The following SNAP25 variants were observed in gnomAD, a reference collection of about 807,000 sequenced individuals.
SNAP25 encodes the protein synaptosomal-associated protein 25.
Under a neutral mutation model 28.7 loss-of-function variants are expected in SNAP25, and 3 were observed. The observed-to-expected ratio is 0.10, with a 90% confidence interval of 0.05 to 0.27. SNAP25 has a LOEUF of 0.27. Ranked by LOEUF, SNAP25 falls within the 10% of genes least tolerant of loss-of-function variation. The pLI, the probability that SNAP25 is intolerant of heterozygous loss-of-function variation, is 1.00. For missense variants in SNAP25, 117 were observed against 278.7 expected, an observed-to-expected ratio of 0.42 and a Z score of 4.13; for synonymous variants, 61 against 88.1, an observed-to-expected ratio of 0.69 and a Z score of 1.72.
chr20:10,259,047 T>C (rs376144531), intron 1 of SNAP25, among the ~76,000 whole-genome samples: 2 of 152,312 alleles, frequency 1.3e-5, no homozygotes, highest in East Asian at 1.9e-4. Flanking sequence ...CAGAGTGGGA[T>C]TGTGTTCATA....
chr20:10,291,507 C>G (rs2063998416), intron 4 of SNAP25, among the ~76,000 whole-genome samples: 1 of 152,190 alleles, frequency 6.6e-6, no homozygotes, highest in Non-Finnish European at 1.5e-5. Context: ...TTTCACCTGT[C>G]ATTTCAAAAG....
chr20:10,304,147 G>A (rs1257906828), intron 7 of SNAP25, among the ~76,000 whole-genome samples: 2 of 152,196 alleles, frequency 1.3e-5, no homozygotes, highest in South Asian at 4.1e-4. Flanking sequence ...ACTCCAGGTT[G>A]CTAGCATTCA....
intron 1 of SNAP25, among the ~76,000 whole-genome samples, chr20:10,254,959 G>A (rs1267853958): frequency 6.6e-6 from 1 of 152,076 alleles, no homozygotes; most frequent in Non-Finnish European, 1.5e-5. Flanking sequence ...TGTGCCTTCC[G>A]ACTGTTTCTT....
chr20:10,294,996 G>T (rs749485587), intron 5 of SNAP25, among the ~76,000 whole-genome samples: 3 of 152,210 alleles, frequency 2.0e-5, no homozygotes, highest in African/African-American at 4.8e-5. Flanking sequence ...ATGTTCTAAT[G>T]AAATGATGGC....
chr20:10,240,054 G>A (rs1040741999), intron 1 of SNAP25, among the ~76,000 whole-genome samples: 13 of 152,236 alleles, frequency 8.5e-5, no homozygotes, highest in Non-Finnish European at 1.5e-4. Flanking sequence ...GGTCTCCCAA[G>A]GCTGCTGTGC....
chr20:10,275,939 A>G (rs970574142), intron 2 of SNAP25, among the ~76,000 whole-genome samples: 1 of 152,250 alleles, frequency 6.6e-6, no homozygotes, highest in African/African-American at 2.4e-5. Flanking sequence ...AGCCATTATT[A>G]AAACTGAATT....
intron 7 of SNAP25, among the ~76,000 whole-genome samples, chr20:10,303,222 G>A (rs1330424423): frequency 2.0e-5 from 3 of 152,108 alleles, no homozygotes; most frequent in Admixed American, 6.5e-5. Flanking sequence ...TGGAAAGGGA[G>A]GGCTTAAGAA....
intron 1 of SNAP25, among the ~76,000 whole-genome samples, chr20:10,252,826 T>C (rs557238412): frequency 6.6e-6 from 1 of 151,776 alleles, no homozygotes; most frequent in South Asian, 2.1e-4. Context: ...GTAGTTGTTC[T>C]CGACTCAAAG....
chr20:10,286,348 G>A (rs1312884399), intron 4 of SNAP25, among the ~76,000 whole-genome samples: 5 of 152,136 alleles, frequency 3.3e-5, no homozygotes, highest in African/African-American at 1.2e-4. Context: ...GATTTGTTGG[G>A]GAAATGTCTG....
chr20:10,276,061 T>G (rs1408996115), intron 2 of SNAP25, among the ~76,000 whole-genome samples: 1 of 152,224 alleles, frequency 6.6e-6, no homozygotes, highest in African/African-American at 2.4e-5. Flanking sequence ...GATCTTGAGA[T>G]TCATCCATTT....
intron 1 of SNAP25, among the ~76,000 whole-genome samples, chr20:10,243,915 A>G (rs1600672374): frequency 6.6e-6 from 1 of 151,692 alleles, no homozygotes; most frequent in Non-Finnish European, 1.5e-5. Context: ...CCACCAAACT[A>G]TCTTCATCTC....
At chr20:10,238,217 T>C (rs1205568635) in intron 1 of SNAP25, among the ~76,000 whole-genome samples, 1 of 152,196 alleles carries the variant, frequency 6.6e-6, no homozygotes, top group African/African-American at 2.4e-5. Context: ...GATTCTGGCA[T>C]TCTAGTGGGG....
intron 1 of SNAP25, among the ~76,000 whole-genome samples, chr20:10,251,657 T>C (rs1296156396): frequency 2.0e-5 from 3 of 152,228 alleles, no homozygotes; most frequent in Non-Finnish European, 4.4e-5. Context: ...AATGGAGCCA[T>C]GTTTGCCCTT....
intron 1 of SNAP25, among the ~76,000 whole-genome samples, chr20:10,242,841 T>A (rs1335331924): frequency 6.6e-6 from 1 of 152,180 alleles, no homozygotes; most frequent in East Asian, 1.9e-4. Context: ...TTAGCCAGCA[T>A]AAAAGGAGAT....
chr20:10,247,086 A>G (rs1237172164), intron 1 of SNAP25, among the ~76,000 whole-genome samples: 3 of 152,158 alleles, frequency 2.0e-5, no homozygotes, highest in South Asian at 4.2e-4. Context: ...AGATGGCCTC[A>G]TGCGTCCAGT....
At chr20:10,256,752 G>C (rs1253027400) in intron 1 of SNAP25, among the ~76,000 whole-genome samples, 1 of 152,108 alleles carries the variant, frequency 6.6e-6, no homozygotes, top group East Asian at 1.9e-4. Flanking sequence ...GAAAGGAAAG[G>C]AAAGGCTGGG....
chr20:10,295,102 T>C (rs2064081563), intron 5 of SNAP25, among the ~76,000 whole-genome samples: 1 of 152,234 alleles, frequency 6.6e-6, no homozygotes, highest in Admixed American at 6.5e-5. Context: ...TTCCCTATTG[T>C]GTGTAAATAA....
chr20:10,273,068 C>A (rs922246256), intron 1 of SNAP25, among the ~76,000 whole-genome samples: 14 of 152,104 alleles, frequency 9.2e-5, no homozygotes, highest in African/African-American at 3.4e-4. Flanking sequence ...GATGGCAGAG[C>A]CTCCTCCCCC....
intron 7 of SNAP25, among the ~76,000 whole-genome samples, chr20:10,300,613 C>A (rs1357725600): frequency 2.0e-5 from 3 of 152,138 alleles, no homozygotes; most frequent in Non-Finnish European, 4.4e-5. Flanking sequence ...ATGCAAGCAA[C>A]CTCCAATGAC....
Sources: gnomAD v4.1 joint callset for allele counts (sites outside exome capture counted in the v4.1 genomes callset) on GRCh38, gnomAD v4.1.1 for gene constraint, MANE v1.5 for transcripts, NCBI Gene and HGNC (gene_info 2026-07-23, HGNC 2026-07-21) for gene names.